The following ANKMY1 variants were observed in gnomAD, a reference collection of about 807,000 sequenced individuals.
ANKMY1 encodes ankyrin repeat and MYND domain containing 1, also known as ankyrin repeat and MYND domain-containing protein 1.
ANKMY1 carries 98 observed loss-of-function variants against 102.0 expected under a neutral mutation model. That is an observed-to-expected ratio of 0.96 (90% CI 0.82 to 1.14). The LOEUF (loss-of-function observed/expected upper bound fraction) is 1.14. Among genes scored for constraint, ANKMY1 ranks in the 50% most tolerant of loss-of-function variants. The pLI, the probability that ANKMY1 is intolerant of heterozygous loss-of-function variation, is 0.00. For synonymous variants in ANKMY1, 582 were observed against 559.9 expected (o/e 1.04, Z -0.56); for missense variants, 1,330 against 1,347.6 (o/e 0.99, Z 0.20).
the ANKMY1 span, among the ~76,000 whole-genome samples, chr2:240,468,985 C>A: frequency 6.6e-6 from 1 of 152,220 alleles, no homozygotes; most frequent in Non-Finnish European, 1.5e-5. Context: ...CCCGGCTCCT[C>A]CCCTGGGAAA....
upstream of ANKMY1, chr2:240,561,045 C>A: frequency 6.6e-7 from 1 of 1,515,730 alleles, no homozygotes; most frequent in East Asian, 2.4e-5. Context: ...CCTCATGCGG[C>A]ACCGCGGCCT....
chr2:240,502,295 C>A (rs1352179293), intron 13 of ANKMY1, among the ~76,000 whole-genome samples: 1 of 151,966 alleles, frequency 6.6e-6, no homozygotes, highest in Non-Finnish European at 1.5e-5. Context: ...CACCCCCAGG[C>A]TCCCAGGACT....
In ANKMY1 at chr2:240,520,639, ATG is replaced by A; in HGVS notation, c.1833-108_1833-107del. ...GGCTGGGGAGGGGCGCGTAGGGAGT[ATG>A]TGTGTGCCGCAACTACACAATCACA... On this transcript the variant is annotated intron_variant, in intron 8 of 17. Transcript: ENST00000401804. The surrounding 1 kb of genome is among the most constrained non-coding windows in gnomAD (Gnocchi z 4.8). 7.3e-7 allele frequency: 1 copy of A among 1,370,388 alleles called. No individual in the cohort carries two copies. The highest frequency in any genetic ancestry group is 9.7e-7 in the Non-Finnish European group (1 of 1,027,284). 84.9% of individuals were successfully genotyped at this position (1,370,388 alleles called of 1,614,324 possible). A position where few individuals can be genotyped will look rare whatever the true frequency, so the allele number is the denominator to read the frequency against.
At chr2:240,552,266 C>T (rs1559385391) in intron 4 of ANKMY1, among the ~76,000 whole-genome samples, 1 of 152,190 alleles carries the variant, frequency 6.6e-6, no homozygotes, top group Non-Finnish European at 1.5e-5. Flanking sequence ...TCAGTAACAG[C>T]CACTCATATT....
chr2:240,515,307 T>A (rs191443680), intron 9 of ANKMY1, among the ~76,000 whole-genome samples: 1 of 152,182 alleles, frequency 6.6e-6, no homozygotes, highest in East Asian at 1.9e-4. Flanking sequence ...GAGGCCAAGG[T>A]GGGCGGATCA....
intron 4 of ANKMY1, among the ~76,000 whole-genome samples, chr2:240,537,310 C>T (rs898939424): frequency 6.6e-6 from 1 of 152,206 alleles, no homozygotes; most frequent in Non-Finnish European, 1.5e-5. Flanking sequence ...ATGTGACCCT[C>T]GCCTATTGTC....
rs1209247328 is a variant in ANKMY1, at chr2:240,506,142, C to T, written c.2526+1418G>A. On this transcript the variant is annotated intron_variant, in intron 13 of 17. Transcript: ENST00000401804. This position sits in a 1 kb window ranked among gnomAD's most constrained non-coding sequence, Gnocchi z 4.9. Reference sequence around the variant, plus strand: ...AAGTCGCTGGGAAGCCCCCTAACCCCGGATGAGGCGCTGGGAGCCCCCAAC... The same window carrying T: ...AAGTCGCTGGGAAGCCCCCTAACCCTGGATGAGGCGCTGGGAGCCCCCAAC... Among the ~76,000 whole-genome samples the T allele has an allele frequency of 2.0e-5, 3 of 151,978 alleles. No individual in the cohort carries two copies. The highest frequency in any genetic ancestry group is 2.9e-5 in the Non-Finnish European group (2 of 67,982).
downstream of ANKMY1, among the ~76,000 whole-genome samples, chr2:240,478,006 G>C (rs1415710183): frequency 6.6e-6 from 1 of 152,164 alleles, no homozygotes; most frequent in African/African-American, 2.4e-5. Flanking sequence ...CAATGTGGGA[G>C]GTGATTGGAT....
intron 12 of ANKMY1, 50 bp downstream of exon 12, chr2:240,509,298 G>A (rs958938570): frequency 6.8e-7 from 1 of 1,478,010 alleles, no homozygotes; most frequent in African/African-American, 1.4e-5. Context: ...GTGGGCACTG[G>A]AGACGGAAAC....
chr2:240,538,120 C>A lies in ANKMY1; in HGVS notation c.481-8611G>T, dbSNP rs566566472. ...TTTTAACAATGGTGAGAGGTGACAA[C>A]GTGCTAGCAGCCCTCGCTCACTCTC... On this transcript the variant is annotated intron_variant, in intron 4 of 17. Transcript: ENST00000401804. Among the ~76,000 whole-genome samples the A allele has an allele frequency of 2.0e-5, 3 of 152,342 alleles. No individual in the cohort carries two copies. In the East Asian group the frequency reaches 5.8e-4, roughly 29 times the overall value.
chr2:240,560,888 G>T (rs764953267), upstream of ANKMY1: 6 of 1,514,058 alleles, frequency 4.0e-6, no homozygotes, highest in Non-Finnish European at 5.2e-6. Context: ...AGCTGCGCGT[G>T]CCCGTGTTCG....
Position 240,480,937 on chromosome 2 carries a change from C to T in ANKMY1, c.3046G>A (p.Val1016Met), listed in dbSNP as rs373544949. Residue 1016 changes from valine (V) to methionine (M), a missense_variant and splice_region_variant, in exon 17 of 18, where the codon GTG (valine) becomes ATG (methionine). By Grantham distance (21) the Val-to-Met change is conservative. Coordinates refer to ENST00000401804, the MANE Select transcript of ANKMY1 (RefSeq NM_001282771.3). ...KKDCGDLVAIVTQLEQVSRRR... is the reference protein window; with the variant it reads ...KKDCGDLVAIMTQLEQVSRRR... The stretch of plus-strand genomic sequence containing the variant: ...CCTCCCAGCCTGAGGGCCGACCTAC[C>T]GATGGCCACCAGGTCCCCGCAGTCC... 15 of 1,604,868 alleles carry T rather than the reference C, an allele frequency of 9.3e-6. No individual in the cohort carries two copies. Among genetic ancestry groups the T allele is most frequent in the African/African-American group, 2.7e-5 (2 of 74,780 alleles).
intron 14 of ANKMY1, 58 bp downstream of exon 14, chr2:240,500,394 G>C (rs2077978660): frequency 7.2e-6 from 11 of 1,524,060 alleles, no homozygotes; most frequent in Non-Finnish European, 9.9e-6. Context: ...GCCCCAGCCG[G>C]GGGCCCTGCA....
At position 240,512,962 on chromosome 2, in the gene ANKMY1, G is replaced by T; in HGVS notation, c.2005-20C>A. 2 of 1,606,910 alleles carry T rather than the reference G, an allele frequency of 1.2e-6. No homozygotes were observed. Among genetic ancestry groups the T allele is most frequent in the East Asian group, 4.5e-5 (2 of 44,464 alleles). ...GCTCAGCTGCAGAGGAAACACCGGG[G>T]CGGGCAGTGAGGCACATTCTCGTAG... On this transcript the variant is annotated intron_variant, in intron 9 of 17. Coordinates refer to ENST00000401804, the MANE Select transcript of ANKMY1 (RefSeq NM_001282771.3).
chr2:240,519,313 G>C (rs1042984644), intron 9 of ANKMY1, among the ~76,000 whole-genome samples: 2 of 152,154 alleles, frequency 1.3e-5, no homozygotes, highest in African/African-American at 2.4e-5. Context: ...ATGATTGTAG[G>C]GTCCTTCAAA....
At chr2:240,560,585 C>G (rs2092888322), upstream of ANKMY1, 2 of 1,323,864 alleles carry the variant, frequency 1.5e-6, no homozygotes, top group Non-Finnish European at 1.9e-6. Flanking sequence ...CCGGGGGCGC[C>G]CGGCGGCCCG....
chr2:240,529,676 G>A lies in ANKMY1; in HGVS notation c.481-167C>T, dbSNP rs964567001. On this transcript the variant is annotated intron_variant, in intron 4 of 17. Transcript: ENST00000401804. This position sits in a 1 kb window ranked among gnomAD's most constrained non-coding sequence, Gnocchi z 4.2. ...GCTTAGGCTGTGCCGCCCAGGGACC[G>A]AGGCGGACCAGCTCTCCCGAGGAAC... Among the ~76,000 whole-genome samples the A allele has an allele frequency of 2.0e-5, 3 of 152,204 alleles. No homozygotes were observed. The highest frequency in any genetic ancestry group is 4.8e-5 in the African/African-American group (2 of 41,452).
intron 4 of ANKMY1, among the ~76,000 whole-genome samples, chr2:240,544,262 T>C (rs2089752580): frequency 6.6e-6 from 1 of 152,184 alleles, no homozygotes; most frequent in East Asian, 1.9e-4. Context: ...ATTGGTTACT[T>C]AAAAAAGAAA....
intron 10 of ANKMY1, 41 bp from the exon 11 acceptor site, chr2:240,512,042 C>T: frequency 6.7e-7 from 1 of 1,496,480 alleles, no homozygotes; most frequent in Non-Finnish European, 8.8e-7. Flanking sequence ...CACGGACCTG[C>T]CGTGTGCCCA....
Sources: gnomAD v4.1 joint callset for allele counts (sites outside exome capture counted in the v4.1 genomes callset) on GRCh38, gnomAD v4.1.1 for gene constraint, Gnocchi (gnomAD v3.1) non-coding constraint, MANE v1.5 for transcripts, NCBI Gene and HGNC (gene_info 2026-07-23, HGNC 2026-07-21) for gene names.